SYT1: variants seen among roughly 807,000 people sequenced by gnomAD.
The protein encoded by SYT1 is synaptotagmin-1.
SYT1 carries 8 observed loss-of-function variants against 44.8 expected under a neutral mutation model. That is an observed-to-expected ratio of 0.18 (90% CI 0.10 to 0.32). The LOEUF (loss-of-function observed/expected upper bound fraction) is 0.32, where lower values mean the gene tolerates loss of function less well. Among genes scored for constraint, SYT1 ranks in the 10% least tolerant of loss-of-function variants. SYT1 has a pLI of 1.00. For synonymous variants in SYT1, 154 were observed against 188.8 expected (o/e 0.82, Z 1.51); for missense variants, 286 against 509.3 (o/e 0.56, Z 4.22).
chr12:79,308,626 A>AAG (rs138477261), intron 8 of SYT1, among the ~76,000 whole-genome samples: 1 of 69,986 alleles, frequency 1.4e-5, no homozygotes, highest in East Asian at 3.6e-4. Flanking sequence ...GAAAGAAAGA[A>AAG]AGAAAGAAAG....
intron 2 of SYT1, among the ~76,000 whole-genome samples, chr12:79,027,992 A>G (rs768080294): frequency 3.3e-5 from 5 of 151,442 alleles, no homozygotes; most frequent in Non-Finnish European, 7.4e-5. Flanking sequence ...CATATTATGG[A>G]CTGATAAAGA....
chr12:79,299,647 AT>A, intron 8 of SYT1, 96 bp downstream of exon 8: 4 of 1,451,004 alleles, frequency 2.8e-6, no homozygotes, highest in Non-Finnish European at 3.7e-6. Context: ...ACAAAGGGGG[AT>A]GTGGGCCTCT....
Position 79,227,947 on chromosome 12 carries a change from G to A in SYT1, c.166+10262G>A, listed in dbSNP as rs114915412. Among the ~76,000 whole-genome samples, 385 of 152,008 alleles carry A rather than the reference G, an allele frequency of 2.5e-3. 2 individuals are homozygous for A. The highest frequency in any genetic ancestry group is 8.4e-3 in the African/African-American group (349 of 41,462). ...GGAAACTTTGCAGCCAAATACAAGTGCATTGCATTCTTTAATCCCATTCCA... is the reference window on the plus strand; with the variant it reads ...GGAAACTTTGCAGCCAAATACAAGTACATTGCATTCTTTAATCCCATTCCA... On this transcript the variant is annotated intron_variant, in intron 4 of 10. Coordinates refer to ENST00000261205, the MANE Select transcript of SYT1 (RefSeq NM_005639.3).
intron 3 of SYT1, among the ~76,000 whole-genome samples, chr12:79,100,911 G>A (rs73355518): frequency 0.034 from 5,182 of 152,058 alleles, 174 homozygotes; most frequent in South Asian, 0.11. Context: ...TAGGTGCTCT[G>A]TGAAGAAAAA....
intron 8 of SYT1, among the ~76,000 whole-genome samples, chr12:79,335,397 T>A (rs1282010559): frequency 6.6e-6 from 1 of 151,938 alleles, no homozygotes; most frequent in East Asian, 1.9e-4. Context: ...ATGCTTTTTT[T>A]TTTTTTTTAC....
intron 3 of SYT1, among the ~76,000 whole-genome samples, chr12:79,086,348 A>G (rs532441992): frequency 4.3e-4 from 65 of 152,226 alleles, no homozygotes; most frequent in African/African-American, 1.6e-3. Flanking sequence ...TCTACTCTCT[A>G]TCAGGCACTA....
chr12:79,003,972 A>C (rs1010512925), intron 2 of SYT1, among the ~76,000 whole-genome samples: 1 of 151,946 alleles, frequency 6.6e-6, no homozygotes, highest in African/African-American at 2.4e-5. Context: ...CCATAAGAAA[A>C]CAGTTAACCT....
intron 3 of SYT1, among the ~76,000 whole-genome samples, chr12:79,091,591 A>C (rs1877779211): frequency 6.6e-6 from 1 of 151,972 alleles, no homozygotes; most frequent in African/African-American, 2.4e-5. Flanking sequence ...GGGCTTCAAG[A>C]AAAAGGCACA....
intron 7 of SYT1, among the ~76,000 whole-genome samples, chr12:79,297,012 A>G (rs1472768127): frequency 2.0e-5 from 3 of 152,244 alleles, no homozygotes; most frequent in Non-Finnish European, 4.4e-5. Context: ...ATCTGTGAAT[A>G]TGCCAGCAGG....
rs532858689 is a variant in SYT1, at chr12:79,355,340, GA to G, written c.928+1724del. ...AACTCAGCATTGTGAAATGAATAAG[GA>G]AAGGCCAAAGGTCATACCTAATTTT... On this transcript the variant is annotated intron_variant, in intron 9 of 10. Coordinates refer to ENST00000261205, the MANE Select transcript of SYT1 (RefSeq NM_005639.3). Among the ~76,000 whole-genome samples, 38 of 152,260 alleles carry G rather than the reference GA, an allele frequency of 2.5e-4. 2 individuals carry two copies. In the South Asian group the frequency reaches 7.2e-3, roughly 29 times the overall value.
At chr12:79,346,423 C>G (rs1350028539) in intron 8 of SYT1, among the ~76,000 whole-genome samples, 6 of 152,124 alleles carry the variant, frequency 3.9e-5, no homozygotes, top group African/African-American at 4.8e-5. Flanking sequence ...AATCTCACAG[C>G]TGGAACTTTT....
chr12:79,117,652 T>TGTA (rs1255424536), intron 3 of SYT1, among the ~76,000 whole-genome samples: 10 of 124,022 alleles, frequency 8.1e-5, no homozygotes, highest in Admixed American at 2.7e-4. Context: ...TGTGTGTGTG[T>TGTA]GTATTACATC....
At chr12:78,938,501 T>C (rs1878183953) in intron 1 of SYT1, among the ~76,000 whole-genome samples, 1 of 152,204 alleles carries the variant, frequency 6.6e-6, no homozygotes, top group Non-Finnish European at 1.5e-5. Flanking sequence ...TTGGCTTCTA[T>C]GGACATATCA....
chr12:79,416,754 T>C (rs1868765696), intron 9 of SYT1, among the ~76,000 whole-genome samples: 1 of 152,212 alleles, frequency 6.6e-6, no homozygotes, highest in Non-Finnish European at 1.5e-5. Flanking sequence ...GCAAACTATT[T>C]GAAATGCATT....
At chr12:79,022,446 C>G (rs1463700494) in intron 2 of SYT1, among the ~76,000 whole-genome samples, 2 of 151,730 alleles carry the variant, frequency 1.3e-5, no homozygotes, top group Admixed American at 1.3e-4. Flanking sequence ...CATTTAAAAT[C>G]TCATTCTCTA....
chr12:78,896,831 A>C (rs1875386997), intron 1 of SYT1, among the ~76,000 whole-genome samples: 2 of 151,852 alleles, frequency 1.3e-5, no homozygotes, highest in Admixed American at 6.6e-5. Context: ...AAAAGGAAGT[A>C]GTTTTTACTT....
chr12:79,385,185 C>T (rs1213630397), intron 9 of SYT1, among the ~76,000 whole-genome samples: 2 of 151,856 alleles, frequency 1.3e-5, no homozygotes, highest in South Asian at 4.1e-4. Context: ...CAGGGTTTCA[C>T]CATGTTGGCC....
chr12:79,256,496 C>T (rs1004707436), intron 4 of SYT1, among the ~76,000 whole-genome samples: 6 of 152,070 alleles, frequency 3.9e-5, no homozygotes, highest in African/African-American at 1.4e-4. Context: ...AATGTGATGC[C>T]AATTCTTGTG....
At chr12:79,227,124 T>C (rs1205433728) in intron 4 of SYT1, among the ~76,000 whole-genome samples, 4 of 152,130 alleles carry the variant, frequency 2.6e-5, no homozygotes, top group Non-Finnish European at 5.9e-5. Context: ...GCAAGGAGTG[T>C]GCATGTCATT....
Sources: gnomAD v4.1 joint callset for allele counts (sites outside exome capture counted in the v4.1 genomes callset) on GRCh38, gnomAD v4.1.1 for gene constraint, MANE v1.5 for transcripts, NCBI Gene and HGNC (gene_info 2026-07-23, HGNC 2026-07-21) for gene names.